The following SOX5 variants were observed in gnomAD, a reference collection of about 807,000 sequenced individuals.
SOX5 encodes the protein transcription factor SOX-5.
A neutral mutation model predicts 92.0 loss-of-function variants in SOX5; 9 were observed. The observed-to-expected ratio is 0.10, with a 90% CI of 0.06 to 0.17. The LOEUF is 0.17. Ranked by LOEUF, SOX5 falls within the 10% of genes least tolerant of loss-of-function variation. SOX5 has a pLI of 1.00. For synonymous variants in SOX5, 344 were observed against 336.3 expected (o/e 1.02, Z -0.25); for missense variants, 642 against 944.5 (o/e 0.68, Z 4.20).
intron 4 of SOX5, among the ~76,000 whole-genome samples, chr12:24,036,700 C>T (rs1220515014): frequency 2.0e-5 from 3 of 152,094 alleles, no homozygotes; most frequent in Non-Finnish European, 4.4e-5. Context: ...AAATGCATTT[C>T]TACAAACTGT....
At chr12:23,840,335 G>A (rs1428244632) in intron 3 of SOX5, among the ~76,000 whole-genome samples, 1 of 152,084 alleles carries the variant, frequency 6.6e-6, no homozygotes, top group African/African-American at 2.4e-5. Flanking sequence ...AATCATTAAA[G>A]ATACTCATAA....
At position 24,338,101 on chromosome 12, in the gene SOX5, T is replaced by G. The variant is rs534403760; in HGVS notation, c.-174+30462A>C. 5.3e-5 allele frequency among the ~76,000 whole-genome samples: 8 copies of G among 152,316 alleles called. No individual in the cohort carries two copies. The South Asian group carries it at 1.5e-3, about 28-fold the overall frequency. The stretch of plus-strand genomic sequence containing the variant: ...ACACAAATATAAGTAATGGAAAAAT[T>G]TATTTATCTAGTTGAATATAAATCC... On this transcript the variant is annotated intron_variant, in intron 2 of 4. Coordinates refer to the SOX5 transcript ENST00000446891.
At chr12:23,653,524 G>GCTGATACAACAAAATACCATGAACTGGGT (rs2081950153) in intron 7 of SOX5, among the ~76,000 whole-genome samples, 1 of 151,984 alleles carries the variant, frequency 6.6e-6, no homozygotes, top group Non-Finnish European at 1.5e-5. Context: ...GTCTGTTCGG[G>GCTGATACAACAAAATACCATGAACTGGGT]CTGATACAAC....
intron 4 of SOX5, among the ~76,000 whole-genome samples, chr12:23,989,486 T>C (rs941386199): frequency 6.6e-6 from 1 of 152,100 alleles, no homozygotes; most frequent in Non-Finnish European, 1.5e-5. Context: ...TAAAGTCATC[T>C]AAAAAGGAAC....
At chr12:24,536,225 T>C (rs919553783) in intron 1 of SOX5, among the ~76,000 whole-genome samples, 2 of 152,228 alleles carry the variant, frequency 1.3e-5, no homozygotes, top group Non-Finnish European at 1.5e-5. Flanking sequence ...AGTTGACCTA[T>C]AGGATTCTGA....
At chr12:24,498,419 T>C (rs1947861643) in intron 1 of SOX5, among the ~76,000 whole-genome samples, 1 of 152,190 alleles carries the variant, frequency 6.6e-6, no homozygotes, top group Admixed American at 6.5e-5. Context: ...TCAGTGGTAG[T>C]AGACCTACAT....
At chr12:24,056,395 G>T (rs1293129861) in intron 4 of SOX5, among the ~76,000 whole-genome samples, 1 of 152,122 alleles carries the variant, frequency 6.6e-6, no homozygotes, top group Non-Finnish European at 1.5e-5. Flanking sequence ...GAAATTTGAG[G>T]TTACTTGAAG....
rs959180006 is a variant in SOX5, at chr12:23,853,848, G to A, written c.271-7655C>T. Among the ~76,000 whole-genome samples the A allele has an allele frequency of 4.6e-5, 7 of 152,112 alleles. No homozygotes were observed. The East Asian group carries it at 9.7e-4, about 21-fold the overall frequency. ...CTAGCAAATACACTTTAAAACGTTT[G>A]ATGATCTCTTCCCTGAGTGAGCAAA... On this transcript the variant is annotated intron_variant, in intron 2 of 14. Coordinates refer to ENST00000451604, the MANE Select transcript of SOX5 (RefSeq NM_006940.6).
chr12:24,224,704 C>CT (rs1266601130), intron 3 of SOX5, among the ~76,000 whole-genome samples: 1 of 152,116 alleles, frequency 6.6e-6, no homozygotes, highest in Admixed American at 6.5e-5. Flanking sequence ...ATCTTGCCTT[C>CT]TTTGGCTGGG....
chr12:23,801,383 C>T (rs1396751921), intron 3 of SOX5, among the ~76,000 whole-genome samples: 1 of 151,934 alleles, frequency 6.6e-6, no homozygotes, highest in Non-Finnish European at 1.5e-5. Flanking sequence ...CCATTTAAAC[C>T]TGCAGTTTTT....
intron 3 of SOX5, among the ~76,000 whole-genome samples, chr12:23,795,647 A>G (rs2095549380): frequency 6.6e-6 from 1 of 152,034 alleles, no homozygotes; most frequent in Non-Finnish European, 1.5e-5. Flanking sequence ...GGGAAAACAG[A>G]AAAAATGCTG....
intron 3 of SOX5, among the ~76,000 whole-genome samples, chr12:23,824,672 T>G (rs1000249371): frequency 6.6e-6 from 1 of 152,186 alleles, no homozygotes; most frequent in African/African-American, 2.4e-5. Flanking sequence ...TTAAGTCTGC[T>G]GAAGATGCGT....
chr12:24,113,458 C>T (rs1236097155), intron 4 of SOX5, among the ~76,000 whole-genome samples: 1 of 151,860 alleles, frequency 6.6e-6, no homozygotes, highest in Non-Finnish European at 1.5e-5. Flanking sequence ...TACAAAAATA[C>T]TTTGTTTTGA....
chr12:23,670,610 T>C (rs1265611249), intron 6 of SOX5, among the ~76,000 whole-genome samples: 1 of 151,962 alleles, frequency 6.6e-6, no homozygotes, highest in Non-Finnish European at 1.5e-5. Flanking sequence ...TGGAGCTATA[T>C]AAATGGATGA....
intron 3 of SOX5, among the ~76,000 whole-genome samples, chr12:23,779,474 A>G (rs548573069): frequency 6.6e-6 from 1 of 151,418 alleles, no homozygotes; most frequent in African/African-American, 2.4e-5. Flanking sequence ...TAATACACAT[A>G]TTCAAAAATA....
chr12:24,431,173 C>T (rs561505302), intron 1 of SOX5, among the ~76,000 whole-genome samples: 3 of 152,020 alleles, frequency 2.0e-5, no homozygotes, highest in Admixed American at 6.6e-5. Context: ...TGAGGCTCAG[C>T]GAGATTAAGG....
chr12:24,270,733 G>A (rs1310188857), intron 3 of SOX5, among the ~76,000 whole-genome samples: 1 of 152,102 alleles, frequency 6.6e-6, no homozygotes, highest in Non-Finnish European at 1.5e-5. Context: ...TTTCTTGCTT[G>A]TCTTTAGTCT....
intron 1 of SOX5, among the ~76,000 whole-genome samples, chr12:24,497,612 C>CA (rs1947774019): frequency 6.6e-6 from 1 of 152,116 alleles, no homozygotes; most frequent in African/African-American, 2.4e-5. Flanking sequence ...GAGTGTAAAT[C>CA]AATTCAACCA....
intron 4 of SOX5, among the ~76,000 whole-genome samples, chr12:24,083,076 C>G (rs1302195848): frequency 1.3e-5 from 2 of 151,900 alleles, no homozygotes; most frequent in African/African-American, 4.8e-5. Context: ...TTAGAATAAC[C>G]TTTCCTTGAC....
Sources: gnomAD v4.1 joint callset for allele counts (sites outside exome capture counted in the v4.1 genomes callset) on GRCh38, gnomAD v4.1.1 for gene constraint, MANE v1.5 for transcripts, NCBI Gene and HGNC (gene_info 2026-07-23, HGNC 2026-07-21) for gene names.